TESMIN: variants seen among roughly 807,000 people sequenced by gnomAD.
The protein encoded by TESMIN is testis expressed metallothionein like protein.
A neutral mutation model predicts 47.4 loss-of-function variants in TESMIN; 34 were observed. The ratio of observed to expected loss-of-function variants is 0.72; its 90% CI spans 0.55 to 0.96. The LOEUF is 0.96. Ranked by LOEUF, TESMIN falls within the 40% of genes least tolerant of loss-of-function variation. The pLI is 0.00. For missense variants in TESMIN, 610 were observed against 637.2 expected, an observed-to-expected ratio of 0.96 and a Z score of 0.46; for synonymous variants, 278 against 258.9, an observed-to-expected ratio of 1.07 and a Z score of -0.71.
rs572832303 is a variant in TESMIN at position 68,736,415 on chromosome 11, T to C, written c.917+2285A>G. ...GAACTGCTTCTATGGCCTCTATAGG[T>C]TAGATATGGCTGAACCACACTGGGC... is the stretch of plus-strand genomic sequence containing the variant. On this transcript the variant is annotated intron_variant, in intron 6 of 9. Transcript: ENST00000255087. 18 of 985,448 alleles carry C rather than the reference T, an allele frequency of 1.8e-5. No homozygotes were observed. The East Asian group carries it at 1.8e-3, about 99-fold the overall frequency. The allele number at this position is 985,448 out of a possible 1,614,324, so 61.0% of individuals were successfully genotyped here. A position where few individuals can be genotyped will look rare whatever the true frequency, so the allele number is the denominator to read the frequency against.
chr11:68,736,858 A>C, intron 6 of TESMIN: 1 of 985,104 alleles, frequency 1.0e-6, no homozygotes, highest in Non-Finnish European at 1.2e-6. Context: ...GGAGAGGAAA[A>C]GGGGGAAAAG....
chr11:68,733,536 GAAGT>G (rs1409610932), intron 6 of TESMIN: 1 of 152,188 alleles, frequency 6.6e-6, no homozygotes, highest in Non-Finnish European at 1.5e-5. Flanking sequence ...AGGTTGCTGA[GAAGT>G]AACTGTAACA....
chr11:68,745,970 TGTGC>T (rs1406109871), intron 3 of TESMIN, among the ~76,000 whole-genome samples: 1 of 152,226 alleles, frequency 6.6e-6, no homozygotes, highest in Admixed American at 6.5e-5. Context: ...ACAGAGCAGC[TGTGC>T]TTTATACACT....
intron 9 of TESMIN, 145 bp downstream of exon 9, chr11:68,710,729 G>A: frequency 1.4e-6 from 1 of 737,692 alleles, no homozygotes; most frequent in Non-Finnish European, 2.1e-6. Context: ...AGCCCATGGA[G>A]GGAGGAACGA....
chr11:68,741,102 C>T (rs1946450076), intron 5 of TESMIN, among the ~76,000 whole-genome samples: 1 of 152,192 alleles, frequency 6.6e-6, no homozygotes, highest in African/African-American at 2.4e-5. Flanking sequence ...ACTGCCACCA[C>T]CTGATCTGAG....
At chr11:68,720,929 C>G (rs1946196518) in intron 6 of TESMIN, among the ~76,000 whole-genome samples, 1 of 152,200 alleles carries the variant, frequency 6.6e-6, no homozygotes, top group South Asian at 2.1e-4. Context: ...TTCTGTAAAA[C>G]TATACATACT....
At chr11:68,713,486 T>C (rs1946097851) in intron 7 of TESMIN, 79 bp from the exon 8 acceptor site, 2 of 1,520,330 alleles carry the variant, frequency 1.3e-6, no homozygotes, top group South Asian at 2.3e-5. Flanking sequence ...CTCATTTGAA[T>C]CTGATTGTTG....
chr11:68,747,677 C>T (rs1476891269), intron 2 of TESMIN, among the ~76,000 whole-genome samples: 1 of 152,072 alleles, frequency 6.6e-6, no homozygotes, highest in Non-Finnish European at 1.5e-5. Context: ...CTCAAAAAGC[C>T]CCAAATCCTT....
At chr11:68,738,342 T>A (rs1227059127) in intron 6 of TESMIN, 1 of 1,019,558 alleles carries the variant, frequency 9.8e-7, no homozygotes, top group East Asian at 1.0e-4. Flanking sequence ...TGCCACACCA[T>A]TATTTCCACG....
chr11:68,713,183 AT>A, intron 8 of TESMIN, 86 bp downstream of exon 8: 1 of 1,334,198 alleles, frequency 7.5e-7, no homozygotes, highest in Non-Finnish European at 1.0e-6. Flanking sequence ...ATCTTTTTAA[AT>A]TACAGCAAAG....
chr11:68,750,617 T>C lies in TESMIN; in HGVS notation c.44A>G (p.Asp15Gly), dbSNP rs766610707. The C allele has an allele frequency of 1.2e-5, 19 of 1,591,300 alleles. No individual in the cohort carries two copies. The highest frequency in any genetic ancestry group is 1.5e-5 in the Non-Finnish European group (18 of 1,168,398). Reference sequence around the variant, plus strand: ...GCTTAAGAGCTCCGTCACCATCGCATCCTCGGGGCTGGGCAGCCCGCCCGG... The same window carrying C: ...GCTTAAGAGCTCCGTCACCATCGCACCCTCGGGGCTGGGCAGCCCGCCCGG... Reference protein sequence around the residue: ...PLPGGLPSPEDAMVTELLSPE... With the variant: ...PLPGGLPSPEGAMVTELLSPE... The change falls in exon 2 of 10, where the codon GAT (aspartate) becomes GGT (glycine). Residue 15 changes from aspartate (D) to glycine (G), a missense_variant. Transcript: ENST00000255087.
At chr11:68,705,305 A>G (rs1285079408), downstream of TESMIN, among the ~76,000 whole-genome samples, 1 of 152,246 alleles carries the variant, frequency 6.6e-6, no homozygotes, top group Non-Finnish European at 1.5e-5. Flanking sequence ...TCCCTAAGAC[A>G]GTATTTTAAC....
downstream of TESMIN, among the ~76,000 whole-genome samples, chr11:68,705,856 C>G (rs1418340924): frequency 6.6e-6 from 1 of 152,014 alleles, no homozygotes; most frequent in African/African-American, 2.4e-5. Flanking sequence ...AACCCCACCT[C>G]TACTAAAAAT....
chr11:68,708,971 T>G (rs1946030002), intron 9 of TESMIN, among the ~76,000 whole-genome samples: 2 of 151,736 alleles, frequency 1.3e-5, no homozygotes, highest in Admixed American at 1.3e-4. Flanking sequence ...CAGGATGGTC[T>G]CGATCTCCTG....
At chr11:68,705,893 C>T (rs1250688423), downstream of TESMIN, among the ~76,000 whole-genome samples, 2 of 151,866 alleles carry the variant, frequency 1.3e-5, no homozygotes, top group African/African-American at 4.8e-5. Flanking sequence ...CGTGGTGGTG[C>T]GCGCCTGTAA....
intron 5 of TESMIN, among the ~76,000 whole-genome samples, chr11:68,741,128 G>A (rs866230745): frequency 8.6e-5 from 13 of 151,906 alleles, no homozygotes; most frequent in African/African-American, 2.2e-4. Context: ...ATCTCTCCCC[G>A]AGATTATTGC....
At chr11:68,720,938 C>T (rs982840928) in intron 6 of TESMIN, among the ~76,000 whole-genome samples, 1 of 152,044 alleles carries the variant, frequency 6.6e-6, no homozygotes, top group African/African-American at 2.4e-5. Flanking sequence ...ACTATACATA[C>T]TGAAATAAGT....
chr11:68,749,199 G>C (rs1362725474), intron 2 of TESMIN, among the ~76,000 whole-genome samples: 1 of 152,226 alleles, frequency 6.6e-6, no homozygotes, highest in Non-Finnish European at 1.5e-5. Context: ...TGGGGGAACT[G>C]GTGAGCTCTA....
At chr11:68,718,098 CACCTCA>C (rs1946161238) in intron 6 of TESMIN, among the ~76,000 whole-genome samples, 5 of 145,870 alleles carry the variant, frequency 3.4e-5, no homozygotes, top group African/African-American at 1.2e-4. Flanking sequence ...AGTCAGCCCA[CACCTCA>C]GCTACAGCCC....
Sources: allele counts gnomAD v4.1 joint callset (sites outside exome capture counted in the v4.1 genomes callset), GRCh38; gene constraint gnomAD v4.1.1; transcripts MANE v1.5; gene names NCBI Gene and HGNC (gene_info 2026-07-23, HGNC 2026-07-21).